Variants in DCAF17 observed in about 807,000 individuals in gnomAD.
The protein encoded by DCAF17 is DDB1 and CUL4 associated factor 17.
In DCAF17, 48 loss-of-function variants were observed where a neutral mutation model predicts 66.0. That is an observed-to-expected ratio of 0.73 (90% CI 0.58 to 0.92). The LOEUF is 0.92. Among genes scored for constraint, DCAF17 ranks in the 40% least tolerant of loss-of-function variants. DCAF17 has a pLI of 0.00. For missense variants in DCAF17, 562 were observed against 622.8 expected, an observed-to-expected ratio of 0.90 and a Z score of 1.04; for synonymous variants, 206 against 214.6, an observed-to-expected ratio of 0.96 and a Z score of 0.35.
chr2:171,453,681 G>C (rs1321025317), intron 6 of DCAF17, among the ~76,000 whole-genome samples: 1 of 151,858 alleles, frequency 6.6e-6, no homozygotes, highest in Non-Finnish European at 1.5e-5. Flanking sequence ...GTTCCCATTT[G>C]TTCTTGACTT....
chr2:171,434,775 GGTTTTAA>G, intron 1 of DCAF17, 72 bp downstream of exon 1: 1 of 1,387,610 alleles, frequency 7.2e-7, no homozygotes, highest in Non-Finnish European at 9.2e-7. Flanking sequence ...GCGGGGATGC[GGTTTTAA>G]CGCGCTGGGG....
chr2:171,481,113 A>T lies in DCAF17; in HGVS notation c.1562A>T (p.Ter521LeuextTer3), dbSNP rs1259931351. ...GAAGAAACCATAAACAGAAGCTGTT[A>T]AAAAGAGTGAGATAATTGTAACCTA... The part of the protein sequence containing the change: ...EEEETINRSC[*>L] The change falls in exon 14 of 14, where the codon TAA becomes TTA. Residue 521 changes from the stop codon to leucine (L), a stop_lost. Transcript: ENST00000375255. 2 of 1,613,416 alleles carry T rather than the reference A, an allele frequency of 1.2e-6. No individual in the cohort carries two copies. The highest frequency in any genetic ancestry group is 2.7e-5 in the African/African-American group (2 of 74,918).
chr2:171,441,868 G>C (rs1045773949), intron 2 of DCAF17, among the ~76,000 whole-genome samples: 4 of 152,216 alleles, frequency 2.6e-5, no homozygotes, highest in Non-Finnish European at 5.9e-5. Flanking sequence ...GTTTTGCCAA[G>C]GAGTTTGTCC....
chr2:171,445,715 C>A (rs945435476), intron 3 of DCAF17, among the ~76,000 whole-genome samples: 1 of 152,104 alleles, frequency 6.6e-6, no homozygotes, highest in Non-Finnish European at 1.5e-5. Flanking sequence ...CAGGGTCTCA[C>A]TCTGTTGCCT....
Position 171,458,070 on chromosome 2 carries a change from G to A in DCAF17, c.727G>A (p.Glu243Lys). Residue 243 changes from glutamate (E) to lysine (K), a missense_variant, in exon 7 of 14, where the codon GAA becomes AAA. Around this residue, in one of 3 missense-constraint regions of DCAF17, gnomAD observed 348 missense variants for 355.9 expected, o/e 0.98. Transcript: ENST00000375255. ...ACTCTATAGCTTCCAAACCATCGCTGAACAGGTAGAGAAAACTGAAATTTG... is the reference window on the plus strand; with the variant it reads ...ACTCTATAGCTTCCAAACCATCGCTAAACAGGTAGAGAAAACTGAAATTTG... ...VRLYSFQTIAEQFMQQKLDLG... is the reference protein window; with the variant it reads ...VRLYSFQTIAKQFMQQKLDLG... 1 of 1,613,122 alleles carries A rather than the reference G, an allele frequency of 6.2e-7. No homozygotes were observed. The highest frequency in any genetic ancestry group is 8.5e-7 in the Non-Finnish European group (1 of 1,179,336).
chr2:171,471,375 A>G (rs184269251), intron 9 of DCAF17, among the ~76,000 whole-genome samples: 16 of 152,332 alleles, frequency 1.1e-4, no homozygotes, highest in African/African-American at 3.8e-4. Context: ...TTGAGCAAAT[A>G]AAAACAATAG....
intron 9 of DCAF17, among the ~76,000 whole-genome samples, chr2:171,470,408 T>C (rs1696177092): frequency 6.6e-6 from 1 of 152,170 alleles, no homozygotes; most frequent in Non-Finnish European, 1.5e-5. Flanking sequence ...CAGATCACCT[T>C]TTACCATGTT....
At chr2:171,443,668 C>A in intron 3 of DCAF17, 55 bp downstream of exon 3, 1 of 1,417,950 alleles carries the variant, frequency 7.1e-7, no homozygotes, top group South Asian at 1.2e-5. Context: ...CTAGAAGAAC[C>A]AGTTATTATT....
At chr2:171,435,022 T>G in intron 1 of DCAF17, 61 bp from the exon 2 acceptor site, 2 of 1,350,618 alleles carry the variant, frequency 1.5e-6, no homozygotes, top group African/African-American at 1.5e-5. Flanking sequence ...CTTTGAAAAT[T>G]TAAAATCTAA....
chr2:171,460,960 T>C (rs908953107), intron 8 of DCAF17, among the ~76,000 whole-genome samples: 1 of 152,226 alleles, frequency 6.6e-6, no homozygotes, highest in African/African-American at 2.4e-5. Context: ...ATGATTTTTG[T>C]ATGTTTGACT....
Position 171,443,522 on chromosome 2 carries a change from G to A in DCAF17, c.231-1G>A. The A allele has an allele frequency of 6.2e-7, 1 of 1,609,932 alleles. No individual in the cohort carries two copies. Among genetic ancestry groups the A allele is most frequent in the Non-Finnish European group, 8.5e-7 (1 of 1,177,422 alleles). ...AATCATTTATTTTTCTTTTTTCCCA[G>A]TGTTGCATCTGAGCCAAGAAAACTT... On this transcript the variant is annotated splice_acceptor_variant, in intron 2 of 13. Transcript: ENST00000375255. LOFTEE classifies it high-confidence loss of function.
Position 171,453,089 on chromosome 2 carries a change from T to C in DCAF17, c.538-35T>C, listed in dbSNP as rs534424697. ...AAACAGTGTGTTTCTGAAGTACTTT[T>C]GAGAGCTGCGTGTAATTGTAGTCTT... On this transcript the variant is annotated intron_variant, in intron 5 of 13. Coordinates refer to ENST00000375255, the MANE Select transcript of DCAF17 (RefSeq NM_025000.4). 6.2e-4 allele frequency: 923 copies of C among 1,481,470 alleles called. 5 individuals carry two copies. The highest frequency in any genetic ancestry group is 5.6e-3 in the South Asian group (457 of 82,244). 91.8% of individuals were successfully genotyped at this position (1,481,470 alleles called of 1,614,324 possible).
intron 3 of DCAF17, among the ~76,000 whole-genome samples, chr2:171,448,093 G>T (rs1248171658): frequency 6.6e-6 from 1 of 152,090 alleles, no homozygotes; most frequent in Non-Finnish European, 1.5e-5. Context: ...AAGTCCTGTG[G>T]TAAAGGAAAA....
chr2:171,478,396 A>G (rs1365978638), intron 12 of DCAF17, among the ~76,000 whole-genome samples: 1 of 152,106 alleles, frequency 6.6e-6, no homozygotes, highest in African/African-American at 2.4e-5. Context: ...CTTAAGGGAA[A>G]ATTCTTGAGT....
intron 10 of DCAF17, among the ~76,000 whole-genome samples, chr2:171,475,281 C>G (rs1696444475): frequency 1.3e-5 from 2 of 152,120 alleles, no homozygotes; most frequent in South Asian, 4.1e-4. Context: ...TTCATTGCAC[C>G]CACTGTGTCG....
intron 8 of DCAF17, among the ~76,000 whole-genome samples, chr2:171,466,520 A>T: frequency 6.6e-6 from 1 of 152,050 alleles, no homozygotes; most frequent in East Asian, 1.9e-4. Flanking sequence ...GTCCACACCC[A>T]TCATAAAATT....
rs573804203 is a variant in DCAF17, at chr2:171,481,769, A to G, written c.*655A>G. The stretch of plus-strand genomic sequence containing the variant: ...GTTCACATTGAATATTTGTGTTTCT[A>G]TATAGGCTAATGTAAAAGATTCCAA... On this transcript the variant is annotated 3_prime_UTR_variant, in exon 14 of 14. Coordinates refer to ENST00000375255, the MANE Select transcript of DCAF17 (RefSeq NM_025000.4). 6.4e-5 allele frequency: 29 copies of G among 453,460 alleles called. No homozygotes were observed. Among genetic ancestry groups the G allele is most frequent in the Admixed American group, 1.9e-4 (8 of 42,480 alleles). 28.1% of individuals were successfully genotyped at this position (453,460 alleles called of 1,614,324 possible).
intron 8 of DCAF17, among the ~76,000 whole-genome samples, chr2:171,461,202 T>C (rs4668386): frequency 0.2 from 30,673 of 152,170 alleles, 3,240 homozygotes; most frequent in South Asian, 0.28. Flanking sequence ...CCCAGCACTT[T>C]AGGAGGCTGA....
At position 171,484,228 on chromosome 2, in the gene DCAF17, A is replaced by G. The variant is rs1042115157; in HGVS notation, c.*3114A>G. 6 of 450,160 alleles carry G rather than the reference A, an allele frequency of 1.3e-5. No homozygotes were observed. The highest frequency in any genetic ancestry group is 2.2e-5 in the Non-Finnish European group (5 of 226,130). 27.9% of individuals were successfully genotyped at this position (450,160 alleles called of 1,614,324 possible). Reference sequence around the variant, plus strand: ...CTTACCATGTTTACTTATATCATCCATCTTTTAGAATCCCAGGGAGCTAAT... The same window carrying G: ...CTTACCATGTTTACTTATATCATCCGTCTTTTAGAATCCCAGGGAGCTAAT... On this transcript the variant is annotated 3_prime_UTR_variant, in exon 14 of 14. Coordinates refer to ENST00000375255, the MANE Select transcript of DCAF17 (RefSeq NM_025000.4).
Sources: allele counts gnomAD v4.1 joint callset (sites outside exome capture counted in the v4.1 genomes callset), GRCh38; gene constraint gnomAD v4.1.1; regional missense constraint gnomAD v4.1.1; transcripts MANE v1.5; gene names NCBI Gene and HGNC (gene_info 2026-07-23, HGNC 2026-07-21).